Variants in PCDH15 observed in about 807,000 individuals in gnomAD.
The protein encoded by PCDH15 is protocadherin related 15.
Under a neutral mutation model 178.5 loss-of-function variants are expected in PCDH15, and 129 were observed. The ratio of observed to expected loss-of-function variants is 0.72; its 90% confidence interval spans 0.63 to 0.84. The LOEUF is 0.84. PCDH15 is among the 40% of genes least tolerant of loss of function. PCDH15 has a pLI of 0.00. For missense variants in PCDH15, 2,230 were observed against 2,099.9 expected (o/e 1.06, Z -1.21); for synonymous variants, 800 against 732.0 (o/e 1.09, Z -1.50).
chr10:55,477,443 A>G (rs10763206), intron 2 of PCDH15, among the ~76,000 whole-genome samples: 58,833 of 151,664 alleles, frequency 0.39, 12,136 homozygotes, highest in East Asian at 0.81. Flanking sequence ...TCAAAAGTGA[A>G]TTATTAGATT....
intron 3 of PCDH15, among the ~76,000 whole-genome samples, chr10:54,501,633 T>C (rs1271184451): frequency 1.3e-5 from 2 of 152,142 alleles, no homozygotes; most frequent in African/African-American, 4.8e-5. Flanking sequence ...TTTTACATTC[T>C]CCCTTCTACT....
chr10:54,556,672 T>G (rs1565589493), intron 2 of PCDH15, among the ~76,000 whole-genome samples: 1 of 146,088 alleles, frequency 6.8e-6, no homozygotes, highest in Non-Finnish European at 1.5e-5. Flanking sequence ...TTTTTTTCAG[T>G]GAGAGCAGGT....
intron 2 of PCDH15, among the ~76,000 whole-genome samples, chr10:55,341,695 G>C (rs148514516): frequency 0.015 from 2,141 of 141,104 alleles, 48 homozygotes; most frequent in African/African-American, 0.053. Flanking sequence ...TCAGCCTCCC[G>C]AGTAGCTGGG....
intron 8 of PCDH15, among the ~76,000 whole-genome samples, chr10:54,265,180 G>C (rs2057592128): frequency 6.6e-6 from 1 of 152,072 alleles, no homozygotes; most frequent in South Asian, 2.1e-4. Context: ...ATAAACGAAA[G>C]AGAAATGGAG....
chr10:55,167,324 C>T (rs1036131584), intron 1 of PCDH15, among the ~76,000 whole-genome samples: 7 of 152,032 alleles, frequency 4.6e-5, no homozygotes, highest in East Asian at 3.9e-4. Context: ...CCATGTTGCC[C>T]AGGCTTGTCT....
intron 2 of PCDH15, among the ~76,000 whole-genome samples, chr10:55,624,953 G>A (rs2463946): frequency 0.68 from 103,593 of 151,934 alleles, 35,966 homozygotes; most frequent in African/African-American, 0.81. Flanking sequence ...TTCTCTTTGT[G>A]TAATTTCGTG....
chr10:53,827,236 T>C (rs1477258537), intron 32 of PCDH15, 157 bp downstream of exon 32: 5 of 767,756 alleles, frequency 6.5e-6, no homozygotes, highest in Admixed American at 1.3e-4. Context: ...ACTTAACCTT[T>C]CTTAGATTTT....
chr10:54,565,584 G>A (rs1334795083), intron 2 of PCDH15, among the ~76,000 whole-genome samples: 1 of 152,140 alleles, frequency 6.6e-6, no homozygotes, highest in East Asian at 1.9e-4. Flanking sequence ...GTCAACAATG[G>A]GAGAGAAAAT....
intron 8 of PCDH15, among the ~76,000 whole-genome samples, chr10:54,295,775 C>A (rs2059720313): frequency 6.6e-6 from 1 of 152,234 alleles, no homozygotes; most frequent in African/African-American, 2.4e-5. Flanking sequence ...TACCATCGGA[C>A]CCCTTTCACT....
chr10:54,094,147 T>A (rs966132882), intron 15 of PCDH15, among the ~76,000 whole-genome samples: 1 of 152,176 alleles, frequency 6.6e-6, no homozygotes, highest in East Asian at 1.9e-4. Flanking sequence ...TACTACTACT[T>A]AATCACTCAT....
At chr10:55,101,294 A>G (rs528927326) in intron 2 of PCDH15, among the ~76,000 whole-genome samples, 1 of 152,140 alleles carries the variant, frequency 6.6e-6, no homozygotes, top group East Asian at 1.9e-4. Context: ...AAGTGGCAGA[A>G]TCGCTTGAAC....
chr10:54,731,446 A>C (rs958575988), intron 1 of PCDH15, among the ~76,000 whole-genome samples: 1 of 149,604 alleles, frequency 6.7e-6, no homozygotes. Flanking sequence ...TATATTGAAG[A>C]GATATCTTCA....
intron 2 of PCDH15, among the ~76,000 whole-genome samples, chr10:54,905,198 T>C (rs1322819958): frequency 6.6e-6 from 1 of 152,072 alleles, no homozygotes; most frequent in Non-Finnish European, 1.5e-5. Flanking sequence ...TACACTGAAA[T>C]AGAAGAATAA....
intron 8 of PCDH15, among the ~76,000 whole-genome samples, chr10:54,267,229 C>T (rs2057751918): frequency 6.6e-6 from 1 of 151,630 alleles, no homozygotes; most frequent in Admixed American, 6.6e-5. Flanking sequence ...ATCCAACATG[C>T]CTTCATAATT....
intron 3 of PCDH15, among the ~76,000 whole-genome samples, chr10:54,453,516 A>AG (rs2076615600): frequency 6.6e-6 from 1 of 151,860 alleles, no homozygotes; most frequent in Non-Finnish European, 1.5e-5. Flanking sequence ...GGGTTAGGGG[A>AG]GGGGGTAGGG....
At chr10:54,281,119 T>G (rs1295720030) in intron 8 of PCDH15, among the ~76,000 whole-genome samples, 2 of 151,898 alleles carry the variant, frequency 1.3e-5, no homozygotes, top group Non-Finnish European at 2.9e-5. Flanking sequence ...ATGAAATTAA[T>G]TATACGAAGG....
Position 53,996,065 on chromosome 10 carries a change from G to T in PCDH15, c.2752-300C>A, listed in dbSNP as rs150173483. ...TGGAATTTTTTTCTAACTTCTAATG[G>T]TAAGAGGTAAAATTTTAACATTTGA... is the stretch of plus-strand genomic sequence containing the variant. On this transcript the variant is annotated intron_variant, in intron 20 of 37. Coordinates refer to ENST00000644397, the MANE Select transcript of PCDH15 (RefSeq NM_001384140.1). Among the ~76,000 whole-genome samples the T allele has an allele frequency of 7.0e-3, 1,068 of 152,156 alleles. 11 individuals are homozygous for T. The highest frequency in any genetic ancestry group is 0.022 in the African/African-American group (893 of 41,518).
intron 25 of PCDH15, among the ~76,000 whole-genome samples, chr10:53,933,054 G>A (rs1196110623): frequency 6.6e-6 from 1 of 152,018 alleles, no homozygotes; most frequent in African/African-American, 2.4e-5. Flanking sequence ...GCTTCCGGAG[G>A]TCTCCATAGA....
intron 1 of PCDH15, among the ~76,000 whole-genome samples, chr10:55,299,929 T>G (rs1417703139): frequency 6.6e-6 from 1 of 152,186 alleles, no homozygotes; most frequent in East Asian, 1.9e-4. Flanking sequence ...GCATGTCACA[T>G]AAAGAATACA....
Sources: allele counts gnomAD v4.1 joint callset (sites outside exome capture counted in the v4.1 genomes callset), GRCh38; gene constraint gnomAD v4.1.1; transcripts MANE v1.5; gene names NCBI Gene and HGNC (gene_info 2026-07-23, HGNC 2026-07-21).